HKDC1: variants seen among roughly 807,000 people sequenced by gnomAD.
HKDC1 encodes the protein hexokinase domain containing 1, also known as hexokinase HKDC1.
In HKDC1, 66 loss-of-function variants were observed where a neutral mutation model predicts 96.6. That is an observed-to-expected ratio of 0.68 (90% CI 0.56 to 0.84). HKDC1 has a LOEUF of 0.84. Among genes scored for constraint, HKDC1 ranks in the 40% least tolerant of loss-of-function variants. HKDC1 has a pLI of 0.00. For synonymous variants in HKDC1, 466 were observed against 473.1 expected (o/e 0.98, Z 0.20); for missense variants, 1,211 against 1,208.1 (o/e 1.00, Z -0.04).
At position 69,267,366 on chromosome 10, in the gene HKDC1, G is replaced by T. The variant is rs896251785; in HGVS notation, c.*609G>T. On this transcript the variant is annotated 3_prime_UTR_variant, in exon 18 of 18. Coordinates refer to ENST00000354624, the MANE Select transcript of HKDC1 (RefSeq NM_025130.4). The stretch of plus-strand genomic sequence containing the variant: ...GCAGGAATCATTGCATGCTTAAAGC[G>T]AGTTATGTCAGCACCCTGTAGGATT... 2.4e-6 allele frequency: 1 copy of T among 411,304 alleles called. No homozygotes were observed. Among genetic ancestry groups the T allele is most frequent in the African/African-American group, 2.1e-5 (1 of 47,760 alleles). 25.5% of individuals were successfully genotyped at this position (411,304 alleles called of 1,614,324 possible).
chr10:69,257,008 C>A, intron 12 of HKDC1, 28 bp from the exon 13 acceptor site: 2 of 1,570,354 alleles, frequency 1.3e-6, no homozygotes, highest in South Asian at 1.1e-5. Flanking sequence ...AACTATTGCT[C>A]AAATGAATTT....
chr10:69,243,272 G>C lies in HKDC1; in HGVS notation c.782G>C (p.Trp261Ser), dbSNP rs771587834. ...DEGRMCINTE[W>S]GAFGDDGALE... ...GGCAGGATGTGCATCAACACAGAGTGGGGGGCCTTCGGGGACGACGGGGCC... is the reference window on the plus strand; with the variant it reads ...GGCAGGATGTGCATCAACACAGAGTCGGGGGCCTTCGGGGACGACGGGGCC... The change falls in exon 7 of 18, where the codon TGG (tryptophan) becomes TCG (serine). Residue 261 changes from tryptophan (W) to serine (S), a missense_variant. Transcript: ENST00000354624. 4.3e-6 allele frequency: 7 copies of C among 1,614,048 alleles called. No homozygotes were observed. The highest frequency in any genetic ancestry group is 2.2e-5 in the South Asian group (2 of 91,070).
intron 1 of HKDC1, among the ~76,000 whole-genome samples, 171 bp downstream of exon 1, chr10:69,220,669 T>C (rs1843046070): frequency 1.3e-5 from 2 of 152,158 alleles, no homozygotes; most frequent in Admixed American, 1.3e-4. Context: ...TCTCCCACAC[T>C]CCTGGGCATT....
chr10:69,232,407 C>G (rs956820475), intron 2 of HKDC1: 1 of 226,630 alleles, frequency 4.4e-6, no homozygotes, highest in South Asian at 7.4e-5. Context: ...AGCACCAGCT[C>G]TCTCTTCCCA....
At chr10:69,226,842 T>C (rs1395595337) in intron 1 of HKDC1, among the ~76,000 whole-genome samples, 1 of 152,176 alleles carries the variant, frequency 6.6e-6, no homozygotes, top group Non-Finnish European at 1.5e-5. Context: ...GCTGGCCTTT[T>C]TTGGTGGAGA....
intron 6 of HKDC1, among the ~76,000 whole-genome samples, chr10:69,242,416 G>T (rs1843467678): frequency 1.1e-5 from 1 of 88,030 alleles, no homozygotes. Flanking sequence ...ATCAGCCAAG[G>T]GAAGATACTG....
chr10:69,220,811 G>C (rs749772138), intron 1 of HKDC1, among the ~76,000 whole-genome samples: 11 of 152,184 alleles, frequency 7.2e-5, no homozygotes, highest in Non-Finnish European at 1.6e-4. Context: ...GCTCGGAAAG[G>C]CCACAAAGGC....
Position 69,250,381 on chromosome 10 carries a change from G to A in HKDC1, c.1662G>A (p.Met554Ile), listed in dbSNP as rs1381721567. Residue 554 changes from methionine (M) to isoleucine (I), a missense_variant, in exon 11 of 18, where the codon ATG (methionine) becomes ATA (isoleucine). Physicochemically the swap from Met to Ile is conservative, Grantham distance 10. Transcript: ENST00000354624. ...GAAGTGGACGGAGGTCAGTGCGAAT[G>A]TACAACAAGATCTTCGCCATCCCCC... is the stretch of plus-strand genomic sequence containing the variant. Reference protein sequence around the residue: ...KIRSGRRSVRMYNKIFAIPLE... With the variant: ...KIRSGRRSVRIYNKIFAIPLE... 6.2e-7 allele frequency: 1 copy of A among 1,614,182 alleles called. No homozygotes were observed. The highest frequency in any genetic ancestry group is 2.2e-5 in the East Asian group (1 of 44,888).
intron 9 of HKDC1, among the ~76,000 whole-genome samples, chr10:69,248,088 G>A (rs1270272847): frequency 6.6e-6 from 1 of 152,146 alleles, no homozygotes; most frequent in Non-Finnish European, 1.5e-5. Context: ...CTACCGGGGT[G>A]GACTTGGAAG....
intron 6 of HKDC1, among the ~76,000 whole-genome samples, chr10:69,242,426 G>GAAAAAAAAAAAAA (rs1294586012): frequency 3.2e-5 from 1 of 31,240 alleles, no homozygotes; most frequent in Non-Finnish European, 5.3e-5. Flanking sequence ...GGAAGATACT[G>GAAAAAAAAAAAAA]AAGAAAAAAA....
In HKDC1 at chr10:69,257,322, T is replaced by C. The variant is rs780769973; in HGVS notation, c.1933-5T>C. 6.2e-7 allele frequency: 1 copy of C among 1,612,306 alleles called. No individual in the cohort carries two copies. Among genetic ancestry groups the C allele is most frequent in the South Asian group, 1.1e-5 (1 of 91,038 alleles). ...GGTTTTTTTTGTTTTTGTTTTTGTTTTTAGGAGTTTGACCTGGACATTGTT... is the reference window on the plus strand; with the variant it reads ...GGTTTTTTTTGTTTTTGTTTTTGTTCTTAGGAGTTTGACCTGGACATTGTT... On this transcript the variant is annotated splice_region_variant and splice_polypyrimidine_tract_variant and intron_variant, in intron 13 of 17. Coordinates refer to ENST00000354624, the MANE Select transcript of HKDC1 (RefSeq NM_025130.4).
At chr10:69,264,002 A>T (rs1263410841) in intron 16 of HKDC1, among the ~76,000 whole-genome samples, 1 of 152,202 alleles carries the variant, frequency 6.6e-6, no homozygotes, top group Non-Finnish European at 1.5e-5. Flanking sequence ...TCTACTAAAA[A>T]TACAAATATT....
chr10:69,229,147 CA>C (rs1167816721), intron 2 of HKDC1, among the ~76,000 whole-genome samples: 5 of 152,208 alleles, frequency 3.3e-5, no homozygotes, highest in Admixed American at 3.3e-4. Flanking sequence ...GTCAGGGTCC[CA>C]GTGCCCAAAC....
At chr10:69,232,963 T>G in intron 3 of HKDC1, 51 bp downstream of exon 3, 1 of 1,612,538 alleles carries the variant, frequency 6.2e-7, no homozygotes, top group East Asian at 2.2e-5. Context: ...GGCATCCGTG[T>G]GTGGGGAAAC....
intron 5 of HKDC1, among the ~76,000 whole-genome samples, chr10:69,239,564 T>G (rs1302204812): frequency 6.6e-6 from 1 of 152,226 alleles, no homozygotes; most frequent in Non-Finnish European, 1.5e-5. Context: ...TATCCCTATT[T>G]GTTGAACGTA....
intron 7 of HKDC1, among the ~76,000 whole-genome samples, chr10:69,244,254 A>T (rs1187547784): frequency 6.6e-6 from 1 of 152,092 alleles, no homozygotes; most frequent in Non-Finnish European, 1.5e-5. Context: ...ATTTCCTGGC[A>T]CCGTAAGACG....
At chr10:69,243,499 C>CG (rs571175875) in intron 7 of HKDC1, 134 bp downstream of exon 7, 1 of 488,858 alleles carries the variant, frequency 2.0e-6, no homozygotes, top group Non-Finnish European at 3.3e-6. Flanking sequence ...TTTCTTTTTC[C>CG]TTTTTTTTTT....
intron 12 of HKDC1, 102 bp downstream of exon 12, chr10:69,250,754 TC>T: frequency 7.4e-7 from 1 of 1,353,806 alleles, no homozygotes; most frequent in Non-Finnish European, 1.0e-6. Context: ...TTTACAGGGA[TC>T]TTGGGTTCAG....
chr10:69,229,977 T>G (rs1038579213), intron 2 of HKDC1, among the ~76,000 whole-genome samples: 1 of 152,176 alleles, frequency 6.6e-6, no homozygotes, highest in Admixed American at 6.5e-5. Flanking sequence ...ATTTCATGAT[T>G]ACCGACAAAA....
Sources: allele counts gnomAD v4.1 joint callset (sites outside exome capture counted in the v4.1 genomes callset), GRCh38; gene constraint gnomAD v4.1.1; transcripts MANE v1.5; gene names NCBI Gene and HGNC (gene_info 2026-07-23, HGNC 2026-07-21).